The following SNCAIP variants were observed in gnomAD, a reference collection of about 807,000 sequenced individuals.
The protein encoded by SNCAIP is synuclein alpha interacting protein.
A neutral mutation model predicts 86.7 loss-of-function variants in SNCAIP; 43 were observed. That is an observed-to-expected ratio of 0.50 (90% confidence interval 0.39 to 0.64). The LOEUF is 0.64. SNCAIP is among the 30% of genes least tolerant of loss of function. SNCAIP has a pLI of 0.00. For synonymous variants in SNCAIP, 417 were observed against 427.2 expected (o/e 0.98, Z 0.29); for missense variants, 981 against 1,103.1 (o/e 0.89, Z 1.57).
intron 7 of SNCAIP, chr5:122,443,567 C>T (rs2737094): frequency 0.12 from 55,208 of 456,564 alleles, 3,753 homozygotes; most frequent in Admixed American, 0.14. Context: ...TCCTTCCCAC[C>T]CAGACTAGAC....
chr5:122,421,881 A>G (rs1776427192), intron 3 of SNCAIP, among the ~76,000 whole-genome samples: 1 of 152,084 alleles, frequency 6.6e-6, no homozygotes, highest in Admixed American at 6.6e-5. Context: ...TCTCATAACC[A>G]GGAGAGATGG....
intron 3 of SNCAIP, among the ~76,000 whole-genome samples, chr5:122,421,051 A>T (rs1035218995): frequency 7.9e-5 from 12 of 152,204 alleles, no homozygotes; most frequent in African/African-American, 2.9e-4. Context: ...TAATTGTCTG[A>T]TCTATGCCAA....
At chr5:122,358,133 G>T (rs1446005114) in intron 1 of SNCAIP, among the ~76,000 whole-genome samples, 1 of 149,942 alleles carries the variant, frequency 6.7e-6, no homozygotes, top group Non-Finnish European at 1.5e-5. Flanking sequence ...TAATTTTCAG[G>T]ATCAAAGAAA....
intron 2 of SNCAIP, among the ~76,000 whole-genome samples, chr5:122,401,991 T>C (rs1476531561): frequency 2.6e-5 from 4 of 152,166 alleles, no homozygotes; most frequent in African/African-American, 4.8e-5. Flanking sequence ...ATATATATCA[T>C]TAAGCCCAGT....
At chr5:122,325,718 A>G (rs1371422487) in intron 1 of SNCAIP, among the ~76,000 whole-genome samples, 2 of 152,234 alleles carry the variant, frequency 1.3e-5, no homozygotes, top group African/African-American at 2.4e-5. Flanking sequence ...TATGCATTCA[A>G]CAAAGGATTA....
intron 1 of SNCAIP, among the ~76,000 whole-genome samples, chr5:122,328,704 A>G (rs539617812): frequency 1.7e-4 from 26 of 152,268 alleles, no homozygotes; most frequent in African/African-American, 6.3e-4. Flanking sequence ...TGATCACATC[A>G]GTGATTTTGC....
At chr5:122,325,952 A>G (rs1341712043) in intron 1 of SNCAIP, among the ~76,000 whole-genome samples, 2 of 152,232 alleles carry the variant, frequency 1.3e-5, no homozygotes, top group Non-Finnish European at 2.9e-5. Context: ...CACAGTTACA[A>G]TATGTCTGGA....
intron 1 of SNCAIP, among the ~76,000 whole-genome samples, chr5:122,375,026 G>A (rs1765010455): frequency 6.6e-6 from 1 of 151,916 alleles, no homozygotes; most frequent in Non-Finnish European, 1.5e-5. Context: ...AGTAAATTAG[G>A]GCCAAATGAA....
intron 1 of SNCAIP, among the ~76,000 whole-genome samples, chr5:122,386,568 T>A (rs1185559244): frequency 6.6e-6 from 1 of 152,176 alleles, no homozygotes; most frequent in Non-Finnish European, 1.5e-5. Context: ...AAGCCGGGCA[T>A]CAGTTTGGAG....
intron 10 of SNCAIP, 110 bp downstream of exon 10, chr5:122,451,711 A>AT (rs1373563500): frequency 1.2e-6 from 1 of 835,528 alleles, no homozygotes; most frequent in Non-Finnish European, 1.9e-6. Context: ...CAGGAAAAAA[A>AT]AAAATCCAAA....
chr5:122,441,081 G>A, intron 7 of SNCAIP: 1 of 265,502 alleles, frequency 3.8e-6, no homozygotes, highest in Non-Finnish European at 7.3e-6. Flanking sequence ...ACCACTACCA[G>A]GCAGACATCT....
At chr5:122,429,768 C>G (rs755439478) in intron 5 of SNCAIP, among the ~76,000 whole-genome samples, 4 of 152,132 alleles carry the variant, frequency 2.6e-5, no homozygotes, top group Non-Finnish European at 4.4e-5. Context: ...AAGGAAAGTG[C>G]AGTACCCTGG....
intron 1 of SNCAIP, chr5:122,323,504 C>G (rs571801667): frequency 1.3e-5 from 2 of 152,152 alleles, no homozygotes; most frequent in East Asian, 3.9e-4. Context: ...CATTTCATGC[C>G]GTGGAAGTCC....
At chr5:122,369,741 G>C (rs548182743) in intron 1 of SNCAIP, 1 of 152,268 alleles carries the variant, frequency 6.6e-6, no homozygotes, top group South Asian at 2.1e-4. Context: ...ATGCAGTCTT[G>C]CTTTCTGGAC....
chr5:122,453,142 C>T, intron 10 of SNCAIP: 1 of 568,112 alleles, frequency 1.8e-6, no homozygotes, highest in African/African-American at 1.9e-5. Context: ...CAAGTAGAAG[C>T]AGGCACTGAT....
intron 3 of SNCAIP, among the ~76,000 whole-genome samples, chr5:122,415,511 A>G (rs901177150): frequency 6.6e-6 from 1 of 152,228 alleles, no homozygotes; most frequent in Non-Finnish European, 1.5e-5. Context: ...TAATTTTCTA[A>G]TGTGGACACA....
intron 8 of SNCAIP, among the ~76,000 whole-genome samples, chr5:122,446,196 A>G (rs1246177399): frequency 1.3e-5 from 2 of 152,180 alleles, no homozygotes; most frequent in Non-Finnish European, 2.9e-5. Context: ...TTTCAAAAAA[A>G]CAAGTTCCTA....
chr5:122,451,783 C>T, intron 10 of SNCAIP, 182 bp downstream of exon 10: 2 of 579,396 alleles, frequency 3.5e-6, no homozygotes. Flanking sequence ...ATACATACCC[C>T]TTGCTCTTCT....
chr5:122,396,084 C>T (rs1482310019), intron 2 of SNCAIP, among the ~76,000 whole-genome samples: 1 of 152,118 alleles, frequency 6.6e-6, no homozygotes, highest in African/African-American at 2.4e-5. Flanking sequence ...GTCCAGAATA[C>T]CTCAGCTTTA....
Sources: allele counts gnomAD v4.1 joint callset (sites outside exome capture counted in the v4.1 genomes callset), GRCh38; gene constraint gnomAD v4.1.1; transcripts MANE v1.5; gene names NCBI Gene and HGNC (gene_info 2026-07-23, HGNC 2026-07-21).